Variants in MAP3K12 observed in about 807,000 individuals in gnomAD.
MAP3K12 encodes the protein mitogen-activated protein kinase kinase kinase 12.
A neutral mutation model predicts 87.5 loss-of-function variants in MAP3K12; 14 were observed. The ratio of observed to expected loss-of-function variants is 0.16; its 90% CI spans 0.11 to 0.25. The LOEUF (loss-of-function observed/expected upper bound fraction) is 0.25, where lower values mean the gene tolerates loss of function less well. Among genes scored for constraint, MAP3K12 ranks in the 10% least tolerant of loss-of-function variants. MAP3K12 has a pLI of 1.00. For missense variants in MAP3K12, 802 were observed against 1,140.4 expected (o/e 0.70, Z 4.27); for synonymous variants, 469 against 452.5 (o/e 1.04, Z -0.46).
rs376510431 is a variant in MAP3K12, at chr12:53,486,881, G to C, written c.445+66C>G. 3 of 1,588,268 alleles carry C rather than the reference G, an allele frequency of 1.9e-6. No individual in the cohort carries two copies. The highest frequency in any genetic ancestry group is 2.6e-6 in the Non-Finnish European group (3 of 1,165,156). ...GAAGGGACCATTGCGTGACTTTAGC[G>C]GAGCTGACCAACAGATCTCGGGCTC... On this transcript the variant is annotated intron_variant, in intron 2 of 13. Transcript: ENST00000547488. This position sits in a 1 kb window ranked among gnomAD's most constrained non-coding sequence, Gnocchi z 4.9.
rs1943229870 is a variant in MAP3K12 at position 53,486,409 on chromosome 12, C to G, written c.629+30G>C. 6.2e-7 allele frequency: 1 copy of G among 1,610,842 alleles called. No homozygotes were observed. The highest frequency in any genetic ancestry group is 1.3e-5 in the African/African-American group (1 of 74,910). On this transcript the variant is annotated intron_variant, in intron 3 of 13. Transcript: ENST00000547488. The surrounding 1 kb of genome is among the most constrained non-coding windows in gnomAD (Gnocchi z 4.9). ...GGTACCAGGCCTTAGCATAGTATCCCCAACACCCAGCCCCTGCCCTGGACC... is the reference window on the plus strand; with the variant it reads ...GGTACCAGGCCTTAGCATAGTATCCGCAACACCCAGCCCCTGCCCTGGACC...
Position 53,485,326 on chromosome 12 carries a change from A to G in MAP3K12, c.971T>C (p.Val324Ala). 6.2e-7 allele frequency: 1 copy of G among 1,613,668 alleles called. No individual in the cohort carries two copies. The highest frequency in any genetic ancestry group is 8.5e-7 in the Non-Finnish European group (1 of 1,179,734). ...TCAGCCTAGTTCTCACCAGATGTCGACCTTCTCAGACACAGGTTCATTGCG... is the reference window on the plus strand; with the variant it reads ...TCAGCCTAGTTCTCACCAGATGTCGGCCTTCTCAGACACAGGTTCATTGCG... ...VIRNEPVSEKVDIWSFGVVLW... is the reference protein window; with the variant it reads ...VIRNEPVSEKADIWSFGVVLW... The change falls in exon 5 of 14, where the codon GTC (valine) becomes GCC (alanine). Residue 324 changes from valine (V) to alanine (A), a missense_variant. This residue lies in a region of MAP3K12 where 21 missense variants were observed against 136.9 expected (regional missense o/e 0.15). Transcript: ENST00000547488.
chr12:53,492,535 C>T (rs1314050188), intron 1 of MAP3K12, among the ~76,000 whole-genome samples: 1 of 152,066 alleles, frequency 6.6e-6, no homozygotes, highest in Non-Finnish European at 1.5e-5. Flanking sequence ...ACTACTGGTC[C>T]CATTATATTC....
At chr12:53,483,225 C>T in intron 10 of MAP3K12, 36 bp from the exon 11 acceptor site, 3 of 1,534,826 alleles carry the variant, frequency 2.0e-6, no homozygotes, top group Non-Finnish European at 2.6e-6. Flanking sequence ...TTAAGACTGC[C>T]AAATCTATGT....
In MAP3K12 at chr12:53,481,979, A is replaced by G. The variant is rs750255048; in HGVS notation, c.2542T>C (p.Ser848Pro). The change falls in exon 13 of 14, where the codon TCC becomes CCC. Residue 848 changes from serine to proline, a missense_variant. Around this residue, in one of 5 missense-constraint regions of MAP3K12, gnomAD observed 490 missense variants for 496.6 expected, o/e 0.99. Transcript: ENST00000547488. Reference sequence around the variant, plus strand: ...AGTTCCTGGTGTGGAATGGGCAGGGAGCTGGGTTCAGGGCCAGGGATGACC... The same window carrying G: ...AGTTCCTGGTGTGGAATGGGCAGGGGGCTGGGTTCAGGGCCAGGGATGACC... The part of the protein sequence containing the change: ...SEVIPGPEPS[S>P]LPIPHQELLR... The G allele has an allele frequency of 1.9e-6, 3 of 1,614,006 alleles. No individual in the cohort carries two copies. Among genetic ancestry groups the G allele is most frequent in the Non-Finnish European group, 2.5e-6 (3 of 1,179,952 alleles).
chr12:53,482,390 G>C (rs561611201), intron 11 of MAP3K12, 21 bp from the exon 12 acceptor site: 1 of 1,613,150 alleles, frequency 6.2e-7, no homozygotes, highest in Non-Finnish European at 8.5e-7. Flanking sequence ...GATGGGGTGG[G>C]GGGGGTCTGA....
At chr12:53,491,180 C>G (rs1356462143) in intron 1 of MAP3K12, among the ~76,000 whole-genome samples, 1 of 146,276 alleles carries the variant, frequency 6.8e-6, no homozygotes, top group Non-Finnish European at 1.5e-5. Flanking sequence ...CCCAGCTACT[C>G]GGGAGGCTGA....
rs1285576235 is a variant in MAP3K12 at position 53,479,675 on chromosome 12, T to TTTTTTTTTTTTGTTTTG, written c.*1506_*1507insCAAAACAAAAAAAAAAA. 5.8e-4 allele frequency: 224 copies of TTTTTTTTTTTTGTTTTG among 386,448 alleles called. 1 individual carries two copies. The highest frequency in any genetic ancestry group is 8.8e-4 in the Non-Finnish European group (190 of 216,432). The allele number at this position is 386,448 out of a possible 1,614,324, so 23.9% of individuals were successfully genotyped here. ...AGTTTTATAAGCTTCTCCCTGGTTT[T>TTTTTTTTTTTTGTTTTG]TTTTTTTTGGCTCATGAATTTTTCT... On this transcript the variant is annotated 3_prime_UTR_variant, in exon 14 of 14. Transcript: ENST00000547488.
chr12:53,483,535 A>G, intron 9 of MAP3K12, 49 bp from the exon 10 acceptor site: 1 of 1,613,812 alleles, frequency 6.2e-7, no homozygotes, highest in Non-Finnish European at 8.5e-7. Context: ...AGGAAGGGGC[A>G]CCCCAGTCTC....
At chr12:53,481,435 T>G in intron 13 of MAP3K12, 155 bp from the exon 14 acceptor site, 1 of 348,336 alleles carries the variant, frequency 2.9e-6, no homozygotes, top group South Asian at 5.4e-5. Flanking sequence ...CTGCAACCTC[T>G]GCCTCCCAGG....
rs1402241996 is a variant in MAP3K12 at position 53,486,901 on chromosome 12, G to C, written c.445+46C>G. ...TTAGCGGAGCTGACCAACAGATCTC[G>C]GGCTCAGGGAAACAGAGAGGAGGCT... On this transcript the variant is annotated intron_variant, in intron 2 of 13. Coordinates refer to ENST00000547488, the MANE Select transcript of MAP3K12 (RefSeq NM_001193511.2). This position sits in a 1 kb window ranked among gnomAD's most constrained non-coding sequence, Gnocchi z 4.9. 3.1e-6 allele frequency: 5 copies of C among 1,601,754 alleles called. No homozygotes were observed. In the South Asian group the frequency reaches 4.5e-5, roughly 14 times the overall value.
intron 1 of MAP3K12, among the ~76,000 whole-genome samples, chr12:53,495,591 T>C (rs1468742570): frequency 6.6e-6 from 1 of 150,502 alleles, no homozygotes; most frequent in Non-Finnish European, 1.5e-5. Flanking sequence ...TGTCTCATTC[T>C]GTTGCCCAGG....
upstream of MAP3K12, chr12:53,501,536 G>A: frequency 6.5e-7 from 1 of 1,545,630 alleles, no homozygotes; most frequent in Non-Finnish European, 8.7e-7. Flanking sequence ...CGCGGCCCCA[G>A]CATGCACCTG....
chr12:53,488,352 C>G (rs1340888451), intron 1 of MAP3K12, among the ~76,000 whole-genome samples: 1 of 152,214 alleles, frequency 6.6e-6, no homozygotes, highest in Non-Finnish European at 1.5e-5. Context: ...CAGTTCATAG[C>G]TGGGTGCTAT....
chr12:53,482,832 C>G lies in MAP3K12; in HGVS notation c.1971G>C (p.Gly657=), dbSNP rs758611981. The change falls in exon 11 of 14, where the codon GGG becomes GGC. Residue 657 remains glycine (G), a synonymous_variant. Coordinates refer to ENST00000547488, the MANE Select transcript of MAP3K12 (RefSeq NM_001193511.2). ...CAGGATCCCCAGCTCCGCCTGTGGC[C>G]CCCCGGCCCCGGGACCCTAGTGCTG... ...LSAALGSRGR[G]ATGGAGDPGS... 9 of 1,610,970 alleles carry G rather than the reference C, an allele frequency of 5.6e-6. No individual in the cohort carries two copies. In the South Asian group the frequency reaches 8.8e-5, roughly 16 times the overall value.
In MAP3K12 at chr12:53,483,731, G is replaced by A. The variant is rs759251872; in HGVS notation, c.1359-8C>T. The A allele has an allele frequency of 3.1e-6, 5 of 1,613,672 alleles. No homozygotes were observed. The highest frequency in any genetic ancestry group is 1.1e-5 in the South Asian group (1 of 91,050). On this transcript the variant is annotated splice_region_variant and splice_polypyrimidine_tract_variant and intron_variant, in intron 8 of 13. Coordinates refer to ENST00000547488, the MANE Select transcript of MAP3K12 (RefSeq NM_001193511.2). The stretch of plus-strand genomic sequence containing the variant: ...CTGATGTCCAGGGCGTGTCTGCAAC[G>A]GGCAGAAAGGTTCCCCAAGGTGAAC...
chr12:53,498,949 TG>T (rs1943605581), intron 1 of MAP3K12, among the ~76,000 whole-genome samples: 1 of 24,142 alleles, frequency 4.1e-5, no homozygotes, highest in East Asian at 0.011. Flanking sequence ...TGTGTGTGTG[TG>T]TGTGTGTGTG....
Position 53,483,690 on chromosome 12 carries a change from C to G in MAP3K12, c.1392G>C (p.Arg464Ser). 1 of 1,614,000 alleles carries G rather than the reference C, an allele frequency of 6.2e-7. No individual in the cohort carries two copies. ...ACAGGTTGTTGGCTCTCTCCAGCTTCCTTTCATAGTGCTCCCTGATGTCCA... is the reference window on the plus strand; with the variant it reads ...ACAGGTTGTTGGCTCTCTCCAGCTTGCTTTCATAGTGCTCCCTGATGTCCA... ...HALDIREHYE[R>S]KLERANNLYM... Residue 464 changes from arginine (R) to serine (S), a missense_variant, in exon 9 of 14, where the codon AGG becomes AGC. Transcript: ENST00000547488.
At chr12:53,489,939 G>A (rs1238084070) in intron 1 of MAP3K12, among the ~76,000 whole-genome samples, 1 of 152,168 alleles carries the variant, frequency 6.6e-6, no homozygotes, top group African/African-American at 2.4e-5. Context: ...ACCTGGCCCA[G>A]GACAGCTGGT....
Sources: gnomAD v4.1 joint callset for allele counts (sites outside exome capture counted in the v4.1 genomes callset) on GRCh38, gnomAD v4.1.1 for gene constraint, gnomAD v4.1.1 regional missense constraint, Gnocchi (gnomAD v3.1) non-coding constraint, MANE v1.5 for transcripts, NCBI Gene and HGNC (gene_info 2026-07-23, HGNC 2026-07-21) for gene names.